Variants in ESRRG observed in about 807,000 individuals in gnomAD.
ESRRG encodes the protein estrogen-related receptor gamma.
Under a neutral mutation model 44.0 loss-of-function variants are expected in ESRRG, and 13 were observed. The ratio of observed to expected loss-of-function variants is 0.30; its 90% CI spans 0.19 to 0.47. The LOEUF is 0.47. Ranked by LOEUF, ESRRG falls within the 20% of genes least tolerant of loss-of-function variation. The probability of loss-of-function intolerance (pLI) is 1.00; values close to 1 mark genes in which losing one functional copy is unlikely to be tolerated. For missense variants in ESRRG, 395 were observed against 580.6 expected, an observed-to-expected ratio of 0.68 and a Z score of 3.29; for synonymous variants, 215 against 214.6, an observed-to-expected ratio of 1.00 and a Z score of -0.02.
chr1:216,748,115 G>A (rs956510695), intron 2 of ESRRG, among the ~76,000 whole-genome samples: 9 of 152,266 alleles, frequency 5.9e-5, no homozygotes, highest in African/African-American at 2.2e-4. Context: ...AAAATAAGAA[G>A]CTTTGGAAGC....
intron 1 of ESRRG, among the ~76,000 whole-genome samples, chr1:217,026,912 C>CACACACACAGAGAGAGAGAGAGAG (rs1255637839): frequency 8.1e-4 from 76 of 93,428 alleles, no homozygotes; most frequent in South Asian, 1.2e-3. Flanking sequence ...CACACACACA[C>CACACACACAGAGAGAGAGAGAGAG]AGAGAGAGAG....
intron 1 of ESRRG, among the ~76,000 whole-genome samples, chr1:216,695,944 G>C (rs1258116198): frequency 2.6e-5 from 4 of 152,288 alleles, no homozygotes; most frequent in South Asian, 4.1e-4. Context: ...TTCCTTATGA[G>C]AACATCCTAA....
intron 5 of ESRRG, among the ~76,000 whole-genome samples, chr1:216,552,465 G>C (rs2056607256): frequency 6.6e-6 from 1 of 152,174 alleles, no homozygotes; most frequent in African/African-American, 2.4e-5. Flanking sequence ...GAATGTGCAA[G>C]TAAAGGCATT....
intron 3 of ESRRG, among the ~76,000 whole-genome samples, chr1:216,611,467 T>G (rs1026861975): frequency 6.6e-6 from 1 of 152,130 alleles, no homozygotes; most frequent in African/African-American, 2.4e-5. Context: ...AACACACATA[T>G]AAACACACTC....
intron 3 of ESRRG, among the ~76,000 whole-genome samples, chr1:216,632,690 G>T (rs970653268): frequency 2.0e-5 from 3 of 151,964 alleles, no homozygotes; most frequent in African/African-American, 7.3e-5. Flanking sequence ...AGTTAGTGAA[G>T]CTAAAATTAT....
chr1:216,982,320 T>C (rs2074102061), intron 1 of ESRRG, among the ~76,000 whole-genome samples: 1 of 152,208 alleles, frequency 6.6e-6, no homozygotes, highest in African/African-American at 2.4e-5. Context: ...TCTTTTTGGA[T>C]CTGAAAAGAA....
At chr1:217,058,552 T>C (rs1484975335) in intron 1 of ESRRG, among the ~76,000 whole-genome samples, 1 of 152,100 alleles carries the variant, frequency 6.6e-6, no homozygotes, top group Non-Finnish European at 1.5e-5. Context: ...GTCTCTATGC[T>C]CTGACAATGT....
At chr1:217,045,273 C>G (rs1362845789) in intron 1 of ESRRG, among the ~76,000 whole-genome samples, 1 of 152,106 alleles carries the variant, frequency 6.6e-6, no homozygotes, top group Non-Finnish European at 1.5e-5. Flanking sequence ...AAAATTAACC[C>G]TTGCGGGATT....
At chr1:216,837,914 C>G (rs2095593962) in intron 2 of ESRRG, among the ~76,000 whole-genome samples, 2 of 152,072 alleles carry the variant, frequency 1.3e-5, no homozygotes, top group South Asian at 2.1e-4. Flanking sequence ...GTTGTTGTTC[C>G]AATAGAGAGA....
upstream of ESRRG, among the ~76,000 whole-genome samples, chr1:216,727,714 A>G (rs1016747639): frequency 1.3e-5 from 2 of 152,136 alleles, no homozygotes; most frequent in African/African-American, 2.4e-5. Flanking sequence ...TTTCTGCTGA[A>G]AGTGATCGCT....
At chr1:216,758,625 T>C (rs1219420841) in intron 2 of ESRRG, among the ~76,000 whole-genome samples, 6 of 152,020 alleles carry the variant, frequency 3.9e-5, no homozygotes, top group African/African-American at 1.4e-4. Context: ...TTTACAAATA[T>C]TTTCCCAATA....
At chr1:216,740,345 C>T (rs1024699098) in intron 2 of ESRRG, among the ~76,000 whole-genome samples, 1 of 152,072 alleles carries the variant, frequency 6.6e-6, no homozygotes, top group African/African-American at 2.4e-5. Flanking sequence ...GCATCTGCAC[C>T]ACAGACACAT....
chr1:216,990,895 G>A (rs2075584137), intron 1 of ESRRG, among the ~76,000 whole-genome samples: 1 of 152,094 alleles, frequency 6.6e-6, no homozygotes, highest in South Asian at 2.1e-4. Context: ...CAATTGTACT[G>A]TATTGCTATT....
chr1:216,555,419 C>G (rs17042824), intron 5 of ESRRG, among the ~76,000 whole-genome samples: 1 of 151,846 alleles, frequency 6.6e-6, no homozygotes, highest in South Asian at 2.1e-4. Context: ...CCAGTTTTCA[C>G]GAACTAATTT....
chr1:216,926,192 G>A (rs2062546056), intron 2 of ESRRG, among the ~76,000 whole-genome samples: 1 of 152,136 alleles, frequency 6.6e-6, no homozygotes, highest in South Asian at 2.1e-4. Context: ...CTGCCCTCGA[G>A]CTGCTGCTTC....
chr1:216,772,985 A>G (rs1036974807), intron 2 of ESRRG, among the ~76,000 whole-genome samples: 15 of 152,016 alleles, frequency 9.9e-5, no homozygotes, highest in African/African-American at 3.6e-4. Context: ...AATTACCTCT[A>G]GATAGGAGAT....
At chr1:217,030,614 G>A (rs2081934147) in intron 1 of ESRRG, among the ~76,000 whole-genome samples, 1 of 152,142 alleles carries the variant, frequency 6.6e-6, no homozygotes, top group African/African-American at 2.4e-5. Flanking sequence ...CCAGTTCTAA[G>A]GTCTTCATTG....
chr1:216,915,160 C>T (rs2060986780), intron 2 of ESRRG, among the ~76,000 whole-genome samples: 1 of 152,122 alleles, frequency 6.6e-6, no homozygotes, highest in Admixed American at 6.6e-5. Context: ...ATTGCCACAC[C>T]ACCTCATGAA....
chr1:216,858,935 C>T (rs2096002562), intron 2 of ESRRG, among the ~76,000 whole-genome samples: 1 of 152,120 alleles, frequency 6.6e-6, no homozygotes, highest in Non-Finnish European at 1.5e-5. Flanking sequence ...GACCTTTGGG[C>T]CAGCCATTAA....
Sources: allele counts gnomAD v4.1 joint callset (sites outside exome capture counted in the v4.1 genomes callset), GRCh38; gene constraint gnomAD v4.1.1; transcripts MANE v1.5; gene names NCBI Gene and HGNC (gene_info 2026-07-23, HGNC 2026-07-21).